CACNG4: variants seen among roughly 807,000 people sequenced by gnomAD.
CACNG4 encodes the protein calcium voltage-gated channel auxiliary subunit gamma 4.
A neutral mutation model predicts 22.9 loss-of-function variants in CACNG4; 8 were observed. The ratio of observed to expected loss-of-function variants is 0.35; its 90% CI spans 0.21 to 0.63. The LOEUF (loss-of-function observed/expected upper bound fraction) is 0.63. Among genes scored for constraint, CACNG4 ranks in the 30% least tolerant of loss-of-function variants. The pLI is 0.72. For missense variants in CACNG4, 357 were observed against 455.4 expected (o/e 0.78, Z 1.97); for synonymous variants, 188 against 191.9 (o/e 0.98, Z 0.17).
intron 1 of CACNG4, among the ~76,000 whole-genome samples, chr17:66,988,066 TAC>T (rs1312133977): frequency 1.4e-3 from 207 of 147,390 alleles, no homozygotes; most frequent in African/African-American, 4.7e-3. Flanking sequence ...TATATATATA[TAC>T]ACACACACAC....
intron 1 of CACNG4, among the ~76,000 whole-genome samples, chr17:66,985,514 T>C (rs577975059): frequency 6.6e-6 from 1 of 152,300 alleles, no homozygotes; most frequent in East Asian, 1.9e-4. Context: ...GCTTGGCCTC[T>C]ATCAGCCTGG....
chr17:66,974,780 C>G (rs915669212), intron 1 of CACNG4, among the ~76,000 whole-genome samples: 1 of 152,206 alleles, frequency 6.6e-6, no homozygotes, highest in Admixed American at 6.5e-5. Flanking sequence ...CTTCCGCCCC[C>G]ACAGGCCCCA....
At chr17:66,966,805 A>T (rs2035173712) in intron 1 of CACNG4, among the ~76,000 whole-genome samples, 1 of 152,224 alleles carries the variant, frequency 6.6e-6, no homozygotes, top group African/African-American at 2.4e-5. Flanking sequence ...CAGTGGGCTC[A>T]TGATCACACC....
At chr17:67,011,778 T>C (rs1164981133) in intron 1 of CACNG4, among the ~76,000 whole-genome samples, 1 of 152,124 alleles carries the variant, frequency 6.6e-6, no homozygotes, top group African/African-American at 2.4e-5. Context: ...CCACTCAGTA[T>C]CATCTTCTAC....
intron 1 of CACNG4, among the ~76,000 whole-genome samples, chr17:67,011,754 G>A (rs1037866576): frequency 2.0e-5 from 3 of 152,188 alleles, no homozygotes; most frequent in Non-Finnish European, 4.4e-5. Flanking sequence ...ATGCATGAGT[G>A]AACAGGAAAG....
At chr17:66,989,229 C>T (rs1177855179) in intron 1 of CACNG4, among the ~76,000 whole-genome samples, 1 of 151,138 alleles carries the variant, frequency 6.6e-6, no homozygotes, top group Non-Finnish European at 1.5e-5. Context: ...GGAATCTGAC[C>T]TTATTTGGAA....
chr17:66,985,086 G>A (rs920180840), intron 1 of CACNG4, among the ~76,000 whole-genome samples: 2 of 152,180 alleles, frequency 1.3e-5, no homozygotes, highest in African/African-American at 2.4e-5. Flanking sequence ...CTCCCAGCCT[G>A]GGCAGCTGTG....
At chr17:66,999,601 T>C (rs893701606) in intron 1 of CACNG4, among the ~76,000 whole-genome samples, 13 of 152,096 alleles carry the variant, frequency 8.5e-5, no homozygotes, top group Non-Finnish European at 1.6e-4. Context: ...CAAGCACTTA[T>C]AAAACCATCA....
At chr17:67,015,165 A>T (rs143663796) in intron 1 of CACNG4, among the ~76,000 whole-genome samples, 62 of 152,338 alleles carry the variant, frequency 4.1e-4, no homozygotes, top group African/African-American at 1.4e-3. Flanking sequence ...ACAATGCAGC[A>T]TCCATGCCGC....
intron 1 of CACNG4, among the ~76,000 whole-genome samples, chr17:67,010,985 C>G (rs6504485): frequency 0.031 from 4,789 of 152,272 alleles, 249 homozygotes; most frequent in African/African-American, 0.11. Flanking sequence ...CAGCTACCCC[C>G]TTTCACAGCA....
intron 1 of CACNG4, among the ~76,000 whole-genome samples, chr17:67,015,471 C>A (rs970223931): frequency 2.6e-5 from 4 of 152,234 alleles, no homozygotes; most frequent in African/African-American, 9.6e-5. Context: ...ATGTCAGCGT[C>A]CTGGTTGTGA....
chr17:66,971,615 G>A (rs2035205458), intron 1 of CACNG4, among the ~76,000 whole-genome samples: 1 of 152,146 alleles, frequency 6.6e-6, no homozygotes, highest in Non-Finnish European at 1.5e-5. Context: ...GCGGCTGGAG[G>A]GGGCCGCTGT....
chr17:66,977,627 C>T lies in CACNG4; in HGVS notation c.220+12496C>T, dbSNP rs961539187. Among the ~76,000 whole-genome samples the T allele has an allele frequency of 3.9e-5, 6 of 152,226 alleles. No individual in the cohort carries two copies. In the East Asian group the frequency reaches 9.6e-4, roughly 24 times the overall value. ...ATTAAATGAGATTGGACATGGGAAG[C>T]CCTGAGGGTGGCCCAGGCACCACGG... On this transcript the variant is annotated intron_variant, in intron 1 of 3. Coordinates refer to ENST00000262138, the MANE Select transcript of CACNG4 (RefSeq NM_014405.4).
intron 1 of CACNG4, among the ~76,000 whole-genome samples, chr17:67,010,691 T>C (rs1281212714): frequency 6.6e-6 from 1 of 152,130 alleles, no homozygotes; most frequent in Admixed American, 6.6e-5. Context: ...ACCTCCTCCA[T>C]GAAGTCCCAG....
At position 67,015,666 on chromosome 17, in the gene CACNG4, T is replaced by A. The variant is rs534734764; in HGVS notation, c.221-2523T>A. 3.9e-5 allele frequency among the ~76,000 whole-genome samples: 6 copies of A among 152,254 alleles called. No homozygotes were observed. In the South Asian group the frequency reaches 1.2e-3, roughly 32 times the overall value. ...GGAAGGGTGTGCCCACGAAGGAGCA[T>A]CTGAGAAGACACACGGTGGACTTAG... On this transcript the variant is annotated intron_variant, in intron 1 of 3. Transcript: ENST00000262138.
At chr17:66,995,721 G>A (rs2035369884) in intron 1 of CACNG4, among the ~76,000 whole-genome samples, 2 of 152,072 alleles carry the variant, frequency 1.3e-5, no homozygotes, top group South Asian at 2.1e-4. Flanking sequence ...GTGATGGTGG[G>A]CACCTGTAAT....
At position 67,030,656 on chromosome 17, in the gene CACNG4, G is replaced by A; in HGVS notation, c.636G>A (p.Glu212=). The A allele has an allele frequency of 6.2e-7, 1 of 1,614,226 alleles. No homozygotes were observed. The highest frequency in any genetic ancestry group is 8.5e-7 in the Non-Finnish European group (1 of 1,180,048). The change falls in exon 4 of 4, where the codon GAG becomes GAA. Residue 212 remains glutamate, a synonymous_variant. Transcript: ENST00000262138. The surrounding 1 kb of genome is among the most constrained non-coding windows in gnomAD (Gnocchi z 6.4). ...AVNIYIEKNK[E]LRFKTKREFL... ...ACATTTACATTGAGAAAAATAAAGA[G>A]TTGAGGTTTAAGACCAAACGGGAAT... is the stretch of plus-strand genomic sequence containing the variant.
chr17:67,006,383 C>T (rs2035438028), intron 1 of CACNG4, among the ~76,000 whole-genome samples: 1 of 152,216 alleles, frequency 6.6e-6, no homozygotes, highest in Non-Finnish European at 1.5e-5. Context: ...GGCATGAAAT[C>T]CAGTCTCCTT....
At chr17:67,024,073 G>C (rs939483025) in intron 2 of CACNG4, among the ~76,000 whole-genome samples, 2 of 152,164 alleles carry the variant, frequency 1.3e-5, no homozygotes, top group African/African-American at 4.8e-5. Context: ...CAGTGGCAGA[G>C]CCCTGGTGTC....
Sources: allele counts gnomAD v4.1 joint callset (sites outside exome capture counted in the v4.1 genomes callset), GRCh38; gene constraint gnomAD v4.1.1; non-coding constraint Gnocchi (gnomAD v3.1); transcripts MANE v1.5; gene names NCBI Gene and HGNC (gene_info 2026-07-23, HGNC 2026-07-21).